Variants in CTNNA3 observed in about 807,000 individuals in gnomAD.
CTNNA3 encodes catenin alpha-3.
CTNNA3 carries 76 observed loss-of-function variants against 95.7 expected under a neutral mutation model. The ratio of observed to expected loss-of-function variants is 0.79; its 90% CI spans 0.66 to 0.96. The LOEUF (loss-of-function observed/expected upper bound fraction) is 0.96, where lower values mean the gene tolerates loss of function less well. CTNNA3 is among the 40% of genes least tolerant of loss of function. CTNNA3 has a pLI of 0.00. For synonymous variants in CTNNA3, 431 were observed against 374.4 expected (o/e 1.15, Z -1.74); for missense variants, 1,191 against 1,089.8 (o/e 1.09, Z -1.31).
At position 67,169,112 on chromosome 10, in the gene CTNNA3, A is replaced by C. The variant is rs538129225; in HGVS notation, c.1047+11205T>G. On this transcript the variant is annotated intron_variant, in intron 7 of 17. Coordinates refer to ENST00000433211, the MANE Select transcript of CTNNA3 (RefSeq NM_013266.4). ...GAAAGATCTCTATAACAAGAATTAC[A>C]AAATGCTGCTCAAAGAAATCAGTGA... 2.0e-5 allele frequency among the ~76,000 whole-genome samples: 3 copies of C among 152,322 alleles called. No homozygotes were observed. In the East Asian group the frequency reaches 5.8e-4, roughly 29 times the overall value.
At chr10:66,436,501 C>CT (rs34165061) in intron 11 of CTNNA3, among the ~76,000 whole-genome samples, 921 of 60,284 alleles carry the variant, frequency 0.015, 15 homozygotes, top group Middle Eastern at 0.043. Flanking sequence ...ACAATCCCTG[C>CT]TTTTTTTTTT....
At position 66,161,931 on chromosome 10, in the gene CTNNA3, T is replaced by C. The variant is rs568040355; in HGVS notation, c.1885-58682A>G. 1.6e-4 allele frequency among the ~76,000 whole-genome samples: 25 copies of C among 152,292 alleles called. No individual in the cohort carries two copies. In the South Asian group the frequency reaches 5.2e-3, roughly 32 times the overall value. On this transcript the variant is annotated intron_variant, in intron 13 of 17. Transcript: ENST00000433211. ...TTTTCTTTGTCTTTGATGGATTGGG[T>C]TAATTCAAAGACCTTGTCTTTCAGC...
At chr10:67,043,537 C>T (rs1173889643) in intron 7 of CTNNA3, among the ~76,000 whole-genome samples, 1 of 152,076 alleles carries the variant, frequency 6.6e-6, no homozygotes, top group Non-Finnish European at 1.5e-5. Flanking sequence ...ATTTCTCTGC[C>T]TAATGTGATG....
intron 11 of CTNNA3, among the ~76,000 whole-genome samples, chr10:66,468,072 A>G (rs973928497): frequency 6.6e-5 from 10 of 152,038 alleles, no homozygotes; most frequent in African/African-American, 2.4e-4. Flanking sequence ...CTATTATACT[A>G]TAATAGAGAA....
chr10:67,521,699 C>T (rs984111143), intron 5 of CTNNA3, 143 bp downstream of exon 5: 4 of 1,002,064 alleles, frequency 4.0e-6, no homozygotes, highest in African/African-American at 3.2e-5. Context: ...CATATGAACA[C>T]AGCAGATCAG....
chr10:66,238,474 T>C (rs915230588), intron 13 of CTNNA3, among the ~76,000 whole-genome samples: 45 of 152,022 alleles, frequency 3.0e-4, no homozygotes, highest in African/African-American at 1.1e-3. Flanking sequence ...ATTTCTTGTC[T>C]TACCAGATTC....
intron 1 of CTNNA3, among the ~76,000 whole-genome samples, chr10:67,758,323 T>C (rs370186761): frequency 2.5e-3 from 356 of 143,414 alleles, no homozygotes; most frequent in South Asian, 0.019. Context: ...TAAATATATA[T>C]ACACACACAC....
At chr10:66,854,835 G>A (rs933512300) in intron 7 of CTNNA3, among the ~76,000 whole-genome samples, 3 of 151,486 alleles carry the variant, frequency 2.0e-5, no homozygotes, top group East Asian at 3.9e-4. Context: ...AAGATAGTGC[G>A]GTCTGGAAGG....
intron 7 of CTNNA3, among the ~76,000 whole-genome samples, chr10:66,918,461 C>T (rs1846608121): frequency 6.6e-6 from 1 of 152,150 alleles, no homozygotes; most frequent in Non-Finnish European, 1.5e-5. Context: ...CCCAAATATC[C>T]ACTTTGGGGC....
intron 7 of CTNNA3, among the ~76,000 whole-genome samples, chr10:67,167,106 C>CA (rs144255942): frequency 0.16 from 23,077 of 146,230 alleles, 2,627 homozygotes; most frequent in African/African-American, 0.33. Context: ...GACTCCATCT[C>CA]AAAAAAAAGA....
chr10:67,458,159 T>A (rs557436048), intron 5 of CTNNA3, among the ~76,000 whole-genome samples: 1 of 152,210 alleles, frequency 6.6e-6, no homozygotes, highest in South Asian at 2.1e-4. Flanking sequence ...TCATTTACCA[T>A]CAGAAATCTT....
intron 13 of CTNNA3, among the ~76,000 whole-genome samples, chr10:66,209,438 A>C (rs2087981836): frequency 6.6e-6 from 1 of 152,180 alleles, no homozygotes; most frequent in South Asian, 2.1e-4. Context: ...CTCAATGATA[A>C]GGTGACATTT....
At chr10:66,330,776 G>T (rs1188535551) in intron 12 of CTNNA3, among the ~76,000 whole-genome samples, 1 of 152,070 alleles carries the variant, frequency 6.6e-6, no homozygotes, top group Admixed American at 6.5e-5. Context: ...ACTGGTGTGA[G>T]ATGGTATCTC....
chr10:66,963,304 T>C (rs562790464), intron 7 of CTNNA3, among the ~76,000 whole-genome samples: 1 of 152,328 alleles, frequency 6.6e-6, no homozygotes, highest in East Asian at 1.9e-4. Context: ...CTGCAACTTG[T>C]GAGCTGTGTA....
intron 15 of CTNNA3, among the ~76,000 whole-genome samples, chr10:66,054,664 C>T (rs10740223): frequency 0.53 from 80,551 of 151,870 alleles, 21,751 homozygotes; most frequent in South Asian, 0.59. Flanking sequence ...TTTTCCATCC[C>T]GTGGGTTGGC....
intron 11 of CTNNA3, among the ~76,000 whole-genome samples, chr10:66,470,545 T>C (rs1839089606): frequency 6.6e-6 from 1 of 151,934 alleles, no homozygotes; most frequent in South Asian, 2.1e-4. Context: ...TGAAGCATTC[T>C]AAAGCAGTTA....
chr10:66,508,210 G>GTTTTTTTTTTTTTTTTTTTTTTTTTTT lies in CTNNA3; in HGVS notation c.1531+12406_1531+12407insAAAAAAAAAAAAAAAAAAAAAAAAAAA, dbSNP rs756807793. On this transcript the variant is annotated intron_variant, in intron 11 of 17. Coordinates refer to ENST00000433211, the MANE Select transcript of CTNNA3 (RefSeq NM_013266.4). ...TTTTTTTTGTTTTGTTTTGTTTTCT[G>GTTTTTTTTTTTTTTTTTTTTTTTTTTT]TTTTTTTTTTTTTTAACAATTTCGT... Among the ~76,000 whole-genome samples, 47 of 108,394 alleles carry GTTTTTTTTTTTTTTTTTTTTTTTTTTT rather than the reference G, an allele frequency of 4.3e-4. 2 individuals are homozygous for GTTTTTTTTTTTTTTTTTTTTTTTTTTT. Among genetic ancestry groups the GTTTTTTTTTTTTTTTTTTTTTTTTTTT allele is most frequent in the African/African-American group, 1.1e-3 (31 of 28,298 alleles). 71.1% of individuals were successfully genotyped at this position (108,394 alleles called of 152,430 possible).
chr10:67,282,564 T>C (rs1839441275), intron 5 of CTNNA3, among the ~76,000 whole-genome samples: 1 of 152,248 alleles, frequency 6.6e-6, no homozygotes, highest in African/African-American at 2.4e-5. Flanking sequence ...ACATTTTATG[T>C]TTTGCTCTTA....
chr10:66,445,054 A>G, intron 11 of CTNNA3, among the ~76,000 whole-genome samples: 1 of 152,148 alleles, frequency 6.6e-6, no homozygotes, highest in Non-Finnish European at 1.5e-5. Context: ...CTAAACCAAC[A>G]AAGATCAAAA....
Sources: allele counts gnomAD v4.1 joint callset (sites outside exome capture counted in the v4.1 genomes callset), GRCh38; gene constraint gnomAD v4.1.1; transcripts MANE v1.5; gene names NCBI Gene and HGNC (gene_info 2026-07-23, HGNC 2026-07-21).